The following ERBB4 variants were observed in gnomAD, a reference collection of about 807,000 sequenced individuals.
The protein encoded by ERBB4 is receptor tyrosine-protein kinase erbB-4.
A neutral mutation model predicts 158.0 loss-of-function variants in ERBB4; 42 were observed. The observed-to-expected ratio is 0.27, with a 90% CI of 0.21 to 0.34. ERBB4 has a LOEUF of 0.34. Ranked by LOEUF, ERBB4 falls within the 10% of genes least tolerant of loss-of-function variation. The probability of loss-of-function intolerance (pLI) is 1.00; values close to 1 mark genes in which losing one functional copy is unlikely to be tolerated. For synonymous variants in ERBB4, 583 were observed against 558.7 expected (o/e 1.04, Z -0.61); for missense variants, 1,333 against 1,624.1 (o/e 0.82, Z 3.08).
At chr2:212,167,518 G>A (rs1421324202) in intron 1 of ERBB4, among the ~76,000 whole-genome samples, 2 of 152,238 alleles carry the variant, frequency 1.3e-5, no homozygotes, top group Non-Finnish European at 2.9e-5. Flanking sequence ...TAACTATTAT[G>A]GAAGACAGTA....
intron 1 of ERBB4, among the ~76,000 whole-genome samples, chr2:212,379,902 C>A (rs2090449161): frequency 6.6e-6 from 1 of 151,080 alleles, no homozygotes; most frequent in African/African-American, 2.4e-5. Flanking sequence ...ACATTGTAAG[C>A]ATTTTTAAAT....
At chr2:212,037,113 T>TTTTG (rs1553539652) in intron 2 of ERBB4, among the ~76,000 whole-genome samples, 15 of 152,056 alleles carry the variant, frequency 9.9e-5, no homozygotes, top group African/African-American at 3.4e-4. Flanking sequence ...GAAGGGTTTT[T>TTTTG]TTGTTTGTTG....
At chr2:211,401,437 G>C (rs73083846) in intron 25 of ERBB4, among the ~76,000 whole-genome samples, 3,378 of 151,946 alleles carry the variant, frequency 0.022, 124 homozygotes, top group African/African-American at 0.077. Flanking sequence ...GTCCTAATAA[G>C]ATATATCTCA....
intron 3 of ERBB4, among the ~76,000 whole-genome samples, chr2:211,892,716 AG>A (rs2125009243): frequency 6.9e-6 from 1 of 145,714 alleles, no homozygotes; most frequent in Admixed American, 6.7e-5. Flanking sequence ...GCAAAGTCTC[AG>A]GATACAAAAT....
chr2:211,948,641 T>C (rs976706078), intron 2 of ERBB4, among the ~76,000 whole-genome samples: 1 of 151,950 alleles, frequency 6.6e-6, no homozygotes, highest in African/African-American at 2.4e-5. Context: ...AAAATGATGA[T>C]AAATAGTTGT....
intron 5 of ERBB4, among the ~76,000 whole-genome samples, chr2:211,749,761 AAG>A (rs2075073280): frequency 1.3e-5 from 2 of 152,158 alleles, no homozygotes; most frequent in Admixed American, 1.3e-4. Flanking sequence ...AGTTTCATCT[AAG>A]AGTGTAATAT....
chr2:211,636,077 C>T (rs1337756526), intron 16 of ERBB4, among the ~76,000 whole-genome samples: 1 of 148,516 alleles, frequency 6.7e-6, no homozygotes, highest in East Asian at 2.0e-4. Context: ...TATCTATGGG[C>T]ACTAAATGTT....
chr2:212,343,718 T>C (rs2088836288), intron 1 of ERBB4, among the ~76,000 whole-genome samples: 1 of 152,204 alleles, frequency 6.6e-6, no homozygotes, highest in African/African-American at 2.4e-5. Flanking sequence ...ATTAATGTCT[T>C]TTCCCATAAA....
chr2:211,775,166 C>G (rs1224718532), intron 4 of ERBB4, among the ~76,000 whole-genome samples: 1 of 152,120 alleles, frequency 6.6e-6, no homozygotes, highest in African/African-American at 2.4e-5. Context: ...CTATCTTGGA[C>G]AATGAGCTAT....
chr2:211,517,358 A>G (rs2066063553), intron 20 of ERBB4, among the ~76,000 whole-genome samples: 1 of 152,134 alleles, frequency 6.6e-6, no homozygotes, highest in African/African-American at 2.4e-5. Context: ...GAAATAAGTG[A>G]CATCTTTCAC....
At chr2:212,381,960 C>T (rs1028447986) in intron 1 of ERBB4, among the ~76,000 whole-genome samples, 1 of 150,926 alleles carries the variant, frequency 6.6e-6, no homozygotes, top group Admixed American at 6.6e-5. Flanking sequence ...GTGTGATATT[C>T]TGTAGATCCT....
chr2:211,905,750 A>G (rs956599320), intron 3 of ERBB4, among the ~76,000 whole-genome samples: 5 of 142,724 alleles, frequency 3.5e-5, no homozygotes, highest in African/African-American at 7.9e-5. Flanking sequence ...GTGTGTATAT[A>G]TATATATATA....
At chr2:211,557,468 CTT>C (rs1206749779) in intron 20 of ERBB4, among the ~76,000 whole-genome samples, 9 of 152,066 alleles carry the variant, frequency 5.9e-5, no homozygotes, top group African/African-American at 1.9e-4. Flanking sequence ...TGAACAGACA[CTT>C]TTCAAAAGAA....
chr2:212,464,034 C>T (rs377346730), intron 1 of ERBB4, among the ~76,000 whole-genome samples: 4 of 152,194 alleles, frequency 2.6e-5, no homozygotes, highest in African/African-American at 7.2e-5. Flanking sequence ...ACAGAAACTG[C>T]CACTTCTGCT....
chr2:211,751,770 A>G (rs1395774302), intron 4 of ERBB4, among the ~76,000 whole-genome samples: 1 of 152,178 alleles, frequency 6.6e-6, no homozygotes, highest in Non-Finnish European at 1.5e-5. Context: ...TCCCGCCTCC[A>G]GTGAAACTGC....
intron 1 of ERBB4, among the ~76,000 whole-genome samples, chr2:212,277,357 T>C (rs987881035): frequency 6.6e-6 from 1 of 151,788 alleles, no homozygotes; most frequent in Non-Finnish European, 1.5e-5. Flanking sequence ...TATTTTTTGA[T>C]GTGTGTTTAT....
At chr2:211,682,290 T>C (rs1385219385) in intron 12 of ERBB4, among the ~76,000 whole-genome samples, 1 of 151,914 alleles carries the variant, frequency 6.6e-6, no homozygotes, top group African/African-American at 2.4e-5. Context: ...ATTCCAAGAG[T>C]AGGAGAAAGA....
Position 211,703,398 on chromosome 2 carries a change from C to T in ERBB4, c.1289+706G>A, listed in dbSNP as rs563219587. Among the ~76,000 whole-genome samples, 216 of 152,022 alleles carry T rather than the reference C, an allele frequency of 1.4e-3. 1 individual carries two copies. The highest frequency in any genetic ancestry group is 2.3e-3 in the Non-Finnish European group (157 of 67,970). On this transcript the variant is annotated intron_variant, in intron 11 of 27. Coordinates refer to ENST00000342788, the MANE Select transcript of ERBB4 (RefSeq NM_005235.3). ...ACTTTTAAATTTTAATAGTGAAATT[C>T]GATGTACTTTTTATAAAACATTATT...
chr2:211,498,990 C>T (rs549538354), intron 20 of ERBB4, among the ~76,000 whole-genome samples: 2 of 152,108 alleles, frequency 1.3e-5, no homozygotes, highest in African/African-American at 2.4e-5. Flanking sequence ...TGAGGCTCCA[C>T]GAAGACAGTA....
Sources: gnomAD v4.1 joint callset for allele counts (sites outside exome capture counted in the v4.1 genomes callset) on GRCh38, gnomAD v4.1.1 for gene constraint, MANE v1.5 for transcripts, NCBI Gene and HGNC (gene_info 2026-07-23, HGNC 2026-07-21) for gene names.